ZNF138: variants seen among roughly 807,000 people sequenced by gnomAD.
ZNF138 encodes zinc finger protein 138.
In ZNF138, 33 loss-of-function variants were observed where a neutral mutation model predicts 33.0. The observed-to-expected ratio is 1.00, with a 90% CI of 0.76 to 1.34. The LOEUF is 1.34. ZNF138 is among the 40% of genes most tolerant of loss of function. The pLI is 0.00. For missense variants in ZNF138, 360 were observed against 370.8 expected (o/e 0.97, Z 0.24); for synonymous variants, 139 against 120.4 (o/e 1.15, Z -1.01).
At chr7:64,808,401 G>A (rs1266173378) in intron 1 of ZNF138, among the ~76,000 whole-genome samples, 3 of 152,142 alleles carry the variant, frequency 2.0e-5, no homozygotes, top group Non-Finnish European at 4.4e-5. Context: ...CTACCATCCA[G>A]GAACTGTTAG....
chr7:64,843,974 C>T, the ZNF138 span, among the ~76,000 whole-genome samples: 2 of 152,158 alleles, frequency 1.3e-5, no homozygotes, highest in Non-Finnish European at 2.9e-5. Context: ...CTGGTGTGCG[C>T]CACCATGCCC....
chr7:64,815,773 G>C, intron 3 of ZNF138, 120 bp downstream of exon 3: 1 of 946,470 alleles, frequency 1.1e-6, no homozygotes, highest in Non-Finnish European at 1.6e-6. Flanking sequence ...TGGAAAGCCT[G>C]AGTTTTTTAT....
intron 1 of ZNF138, among the ~76,000 whole-genome samples, chr7:64,801,700 GTTC>G (rs1334957006): frequency 6.9e-6 from 1 of 145,564 alleles, no homozygotes; most frequent in Non-Finnish European, 1.5e-5. Context: ...ATTGAGTTTA[GTTC>G]TTTTTTAATT....
chr7:64,832,086 G>C lies in ZNF138; in HGVS notation c.844G>C (p.Glu282Gln). 6.2e-7 allele frequency: 1 copy of C among 1,613,706 alleles called. No individual in the cohort carries two copies. The highest frequency in any genetic ancestry group is 8.5e-7 in the Non-Finnish European group (1 of 1,179,898). Reference sequence around the variant, plus strand: ...TACTGAAGAGAAACCCTACAAATGTGAACAATGTGGCAAGGTCTTTAAGCA... The same window carrying C: ...TACTGAAGAGAAACCCTACAAATGTCAACAATGTGGCAAGGTCTTTAAGCA... Reference protein sequence around the residue: ...IHTEEKPYKCEQCGKVFKQSP... With the variant: ...IHTEEKPYKCQQCGKVFKQSP... The change falls in exon 4 of 4, where the codon GAA (glutamate) becomes CAA (glutamine). Residue 282 changes from glutamate to glutamine, a missense_variant. Physicochemically the swap from Glu to Gln is conservative, Grantham distance 29. Transcript: ENST00000307355.
intron 3 of ZNF138, among the ~76,000 whole-genome samples, chr7:64,828,657 A>G (rs1009798005): frequency 7.9e-5 from 12 of 152,114 alleles, no homozygotes; most frequent in African/African-American, 2.7e-4. Context: ...ATTTGAAAGT[A>G]TATATATGTT....
intron 1 of ZNF138, among the ~76,000 whole-genome samples, chr7:64,812,306 T>C (rs986411712): frequency 2.3e-4 from 1 of 4,298 alleles, no homozygotes; most frequent in Non-Finnish European, 0.01. Flanking sequence ...CTACAGGTAT[T>C]CACCACACGC....
chr7:64,808,585 T>TTC (rs142004380), intron 1 of ZNF138, among the ~76,000 whole-genome samples: 139,787 of 150,720 alleles, frequency 0.93, 64,850 homozygotes, highest in South Asian at 0.98. Flanking sequence ...TTTCTGTTTC[T>TTC]TTTTTTTTTA....
rs1787352350 is a variant in ZNF138, at chr7:64,803,796, A to C, written c.3+9225A>C. On this transcript the variant is annotated intron_variant, in intron 1 of 3. Transcript: ENST00000307355. ...TAAATAGTACATTAAAATTATACTA[A>C]GTGTATCTAATCAAAAAAGTTACTA... Among the ~76,000 whole-genome samples the C allele has an allele frequency of 5.7e-5, 7 of 123,684 alleles. 1 individual carries two copies. In the South Asian group the frequency reaches 1.9e-3, roughly 34 times the overall value. The allele number at this position is 123,684 out of a possible 152,430, so 81.1% of individuals were successfully genotyped here.
chr7:64,818,018 G>A (rs1326728307), intron 3 of ZNF138, among the ~76,000 whole-genome samples: 2 of 141,706 alleles, frequency 1.4e-5, no homozygotes, highest in African/African-American at 5.2e-5. Context: ...TTTTGAGACC[G>A]AGTCTCACTC....
At chr7:64,848,498 G>C in the ZNF138 span, among the ~76,000 whole-genome samples, 1 of 151,712 alleles carries the variant, frequency 6.6e-6, no homozygotes, top group Non-Finnish European at 1.5e-5. Flanking sequence ...TTCTGAAGTT[G>C]TAATTGTTTT....
chr7:64,830,552 A>G (rs900849816), intron 3 of ZNF138, among the ~76,000 whole-genome samples: 3 of 152,022 alleles, frequency 2.0e-5, no homozygotes, highest in Non-Finnish European at 4.4e-5. Flanking sequence ...TGAACTCCTG[A>G]CATCAGGTCA....
At chr7:64,810,431 AC>A (rs1305735158) in intron 1 of ZNF138, among the ~76,000 whole-genome samples, 10 of 5,082 alleles carry the variant, frequency 2.0e-3, no homozygotes, top group Non-Finnish European at 5.0e-3. Flanking sequence ...TGAGAGGGAG[AC>A]CGTGGGGAGA....
chr7:64,827,643 T>C (rs1400096870), intron 3 of ZNF138, among the ~76,000 whole-genome samples: 5 of 146,494 alleles, frequency 3.4e-5, no homozygotes, highest in African/African-American at 1.4e-4. Context: ...ATTAGTTAGA[T>C]TTTTTTTATT....
At chr7:64,844,388 C>T in the ZNF138 span, among the ~76,000 whole-genome samples, 1 of 133,622 alleles carries the variant, frequency 7.5e-6, no homozygotes, top group Non-Finnish European at 1.6e-5. Flanking sequence ...TCTTACCACT[C>T]CCTTTCTCAA....
chr7:64,795,286 TG>T (rs1211090353), intron 1 of ZNF138, among the ~76,000 whole-genome samples: 4 of 152,198 alleles, frequency 2.6e-5, no homozygotes, highest in African/African-American at 9.7e-5. Context: ...ACCCTGGGAC[TG>T]GAGCGACCTC....
At chr7:64,831,044 C>A (rs767722652) in intron 3 of ZNF138, 57 of 1,551,804 alleles carry the variant, frequency 3.7e-5, no homozygotes, top group Non-Finnish European at 5.0e-5. Context: ...AAACCAGTGT[C>A]TGCAAAAGCA....
Position 64,833,330 on chromosome 7 carries a change from G to GA in ZNF138, c.*1133dup, listed in dbSNP as rs1291567215. Reference sequence around the variant, plus strand: ...TTAATACTGAAAATGTTACAAACCAGAAAAATGTGAAAATGATTTTAACAA... The same window carrying GA: ...TTAATACTGAAAATGTTACAAACCAGAAAAAATGTGAAAATGATTTTAACAA... On this transcript the variant is annotated 3_prime_UTR_variant, in exon 4 of 4. Transcript: ENST00000307355. 3.2e-5 allele frequency: 5 copies of GA among 157,720 alleles called. No individual in the cohort carries two copies. The highest frequency in any genetic ancestry group is 3.2e-4 in the Admixed American group (5 of 15,854). The allele number at this position is 157,720 out of a possible 1,614,324, so 9.8% of individuals were successfully genotyped here. A position where few individuals can be genotyped will look rare whatever the true frequency, so the allele number is the denominator to read the frequency against.
At chr7:64,858,712 C>T in the ZNF138 span, among the ~76,000 whole-genome samples, 1 of 152,194 alleles carries the variant, frequency 6.6e-6, no homozygotes, top group Non-Finnish European at 1.5e-5. Context: ...TTTTCTTTTA[C>T]ACTCTGCATA....
chr7:64,834,599 A>AGT (rs1174222865), downstream of ZNF138, among the ~76,000 whole-genome samples: 2 of 152,234 alleles, frequency 1.3e-5, no homozygotes, highest in African/African-American at 4.8e-5. Flanking sequence ...TGCATTCACT[A>AGT]GTGAAAGCAT....
Sources: gnomAD v4.1 joint callset for allele counts (sites outside exome capture counted in the v4.1 genomes callset) on GRCh38, gnomAD v4.1.1 for gene constraint, MANE v1.5 for transcripts, NCBI Gene and HGNC (gene_info 2026-07-23, HGNC 2026-07-21) for gene names.